GBP1: variants seen among roughly 807,000 people sequenced by gnomAD.
GBP1 encodes the protein guanylate binding protein 1, also known as guanylate-binding protein 1.
GBP1 carries 64 observed loss-of-function variants against 69.5 expected under a neutral mutation model. The observed-to-expected ratio is 0.92, with a 90% CI of 0.75 to 1.13. The LOEUF is 1.13. GBP1 is among the 50% of genes most tolerant of loss of function. The pLI, the probability that GBP1 is intolerant of heterozygous loss-of-function variation, is 0.00. For synonymous variants in GBP1, 250 were observed against 261.2 expected (o/e 0.96, Z 0.41); for missense variants, 630 against 704.1 (o/e 0.89, Z 1.19).
rs1200088111 is a variant in GBP1 at position 89,060,442 on chromosome 1, A to C, written c.191-118T>G. 3 of 827,030 alleles carry C rather than the reference A, an allele frequency of 3.6e-6. No homozygotes were observed. The African/African-American group carries it at 5.3e-5, about 15-fold the overall frequency. The allele number at this position is 827,030 out of a possible 1,614,324, so 51.2% of individuals were successfully genotyped here. A position where few individuals can be genotyped will look rare whatever the true frequency, so the allele number is the denominator to read the frequency against. On this transcript the variant is annotated intron_variant, in intron 2 of 10. Transcript: ENST00000370473. Reference sequence around the variant, plus strand: ...AGAACTGAAACAACAATCAGTATTCACCTTACGTACTTACAATCAAAGAAA... The same window carrying C: ...AGAACTGAAACAACAATCAGTATTCCCCTTACGTACTTACAATCAAAGAAA...
In GBP1 at chr1:89,059,051, GCTAA is replaced by G. The variant is rs758452723; in HGVS notation, c.429-12_429-9del. 2 of 1,613,912 alleles carry G rather than the reference GCTAA, an allele frequency of 1.2e-6. No individual in the cohort carries two copies. The highest frequency in any genetic ancestry group is 2.2e-5 in the East Asian group (1 of 44,898). ...GTCAGCTCTGTCACATAGCTGAGTA[GCTAA>G]CTAAGGAAATGTGACAAAATGAACA... On this transcript the variant is annotated splice_polypyrimidine_tract_variant and intron_variant, in intron 4 of 10. Transcript: ENST00000370473.
intron 10 of GBP1, among the ~76,000 whole-genome samples, chr1:89,054,282 A>G (rs1679987481): frequency 6.6e-6 from 1 of 152,142 alleles, no homozygotes; most frequent in Non-Finnish European, 1.5e-5. Flanking sequence ...TTGTATTTTT[A>G]GTAGTGACGG....
chr1:89,060,124 A>T, intron 3 of GBP1, 73 bp downstream of exon 3: 1 of 1,418,906 alleles, frequency 7.0e-7, no homozygotes, highest in Non-Finnish European at 9.5e-7. Context: ...TTAATAGTTA[A>T]TAAACAATTA....
chr1:89,055,424 T>C (rs765479234), intron 8 of GBP1: 252 of 610,316 alleles, frequency 4.1e-4, no homozygotes, highest in Non-Finnish European at 3.9e-4. Flanking sequence ...AGTAGGCTAA[T>C]ATAGATACTG....
In GBP1 at chr1:89,052,366, C is replaced by G. The variant is rs184373781; in HGVS notation, c.*989G>C. 161 of 152,306 alleles carry G rather than the reference C, an allele frequency of 1.1e-3. No homozygotes were observed. The highest frequency in any genetic ancestry group is 3.8e-3 in the African/African-American group (160 of 41,568). 9.4% of individuals were successfully genotyped at this position (152,306 alleles called of 1,614,324 possible). A position where few individuals can be genotyped will look rare whatever the true frequency, so the allele number is the denominator to read the frequency against. On this transcript the variant is annotated 3_prime_UTR_variant, in exon 11 of 11. Transcript: ENST00000370473. Reference sequence around the variant, plus strand: ...TAATTGCTATAAGAAACATCAACCACTTTCCTAGGACTTTTCACACATAAG... The same window carrying G: ...TAATTGCTATAAGAAACATCAACCAGTTTCCTAGGACTTTTCACACATAAG...
chr1:89,054,754 C>G lies in GBP1; in HGVS notation c.1593G>C (p.Leu531=). The G allele has an allele frequency of 6.2e-7, 1 of 1,614,230 alleles. No homozygotes were observed. The highest frequency in any genetic ancestry group is 1.1e-5 in the South Asian group (1 of 91,080). The change falls in exon 10 of 11, where the codon CTG becomes CTC. Residue 531 remains leucine, a synonymous_variant. Coordinates refer to ENST00000370473, the MANE Select transcript of GBP1 (RefSeq NM_002053.3). Reference sequence around the variant, plus strand: ...CCCTGTCGTTCTCCATCTTCTCAGTCAGTTGTTTCAAGTGTTCCTGATAAC... The same window carrying G: ...CCCTGTCGTTCTCCATCTTCTCAGTGAGTTGTTTCAAGTGTTCCTGATAAC... ...ERSYQEHLKQ[L]TEKMENDRVQ...
Position 89,058,858 on chromosome 1 carries a change from G to C in GBP1, c.614C>G (p.Ser205Cys). The C allele has an allele frequency of 1.9e-6, 3 of 1,614,120 alleles. No homozygotes were observed. Among genetic ancestry groups the C allele is most frequent in the Non-Finnish European group, 2.5e-6 (3 of 1,179,994 alleles). Residue 205 changes from serine (S) to cysteine (C), a missense_variant, in exon 5 of 11, where the codon TCC becomes TGC. Ser to Cys is a moderately radical substitution (Grantham distance 112, BLOSUM62 -1). Around this residue, in one of 5 missense-constraint regions of GBP1, gnomAD observed 367 missense variants for 369.5 expected, o/e 0.99. Transcript: ENST00000370473. Reference sequence around the variant, plus strand: ...TCTGTTACCTTTCTTCAGCTTCAGGGAGTATGTCAGGTACTCATCTGGTGT... The same window carrying C: ...TCTGTTACCTTTCTTCAGCTTCAGGCAGTATGTCAGGTACTCATCTGGTGT... ...PLTPDEYLTY[S>C]LKLKKGTSQK...
In GBP1 at chr1:89,053,628, G is replaced by A. The variant is rs138846855; in HGVS notation, c.1666-160C>T. On this transcript the variant is annotated intron_variant, in intron 10 of 10. Transcript: ENST00000370473. ...CTATCATTGACCAAAGCACAGCCAT[G>A]TTCCTTACCCTATTATGTATATGAC... Among the ~76,000 whole-genome samples the A allele has an allele frequency of 1.7e-4, 26 of 152,286 alleles. No homozygotes were observed. The East Asian group carries it at 5.0e-3, about 29-fold the overall frequency.
Position 89,053,388 on chromosome 1 carries a change from T to A in GBP1, c.1746A>T (p.Lys582Asn), listed in dbSNP as rs181237841. ...MKNEIQDLQT[K>N]MRRRKACTIS is the part of the protein sequence containing the mutation. ...TGGTACATGCCTTTCGTCGTCTCAT[T>A]TTCGTCTGGAGATCCTGTATCTCAT... The change falls in exon 11 of 11, where the codon AAA becomes AAT. Residue 582 changes from lysine (K) to asparagine (N), a missense_variant. Lys to Asn is a moderately conservative substitution (Grantham distance 94). Around this residue, in one of 5 missense-constraint regions of GBP1, gnomAD observed 71 missense variants for 72.7 expected, o/e 0.98. Coordinates refer to ENST00000370473, the MANE Select transcript of GBP1 (RefSeq NM_002053.3). The A allele has an allele frequency of 6.8e-6, 11 of 1,613,768 alleles. No homozygotes were observed. The East Asian group carries it at 2.5e-4, about 36-fold the overall frequency.
intron 6 of GBP1, among the ~76,000 whole-genome samples, chr1:89,057,504 A>G (rs1188634565): frequency 1.3e-5 from 2 of 152,246 alleles, no homozygotes; most frequent in African/African-American, 4.8e-5. Flanking sequence ...TTTGATCAAT[A>G]TGTATGAAAC....
At chr1:89,063,787 C>A (rs1680262341) in intron 1 of GBP1, among the ~76,000 whole-genome samples, 1 of 152,206 alleles carries the variant, frequency 6.6e-6, no homozygotes, top group Non-Finnish European at 1.5e-5. Flanking sequence ...AAGCTTCTCA[C>A]ATTGCCATTC....
intron 6 of GBP1, 39 bp downstream of exon 6, chr1:89,057,953 T>C (rs1323918291): frequency 6.3e-7 from 1 of 1,582,910 alleles, no homozygotes; most frequent in Admixed American, 1.7e-5. Flanking sequence ...GCTCCTCTAG[T>C]CTTAAACAAT....
At chr1:89,064,263 G>T (rs1680280248) in intron 1 of GBP1, among the ~76,000 whole-genome samples, 1 of 151,014 alleles carries the variant, frequency 6.6e-6, no homozygotes, top group Non-Finnish European at 1.5e-5. Flanking sequence ...GAGAGAGAGA[G>T]AGAGAGAGAG....
At chr1:89,063,277 A>G (rs562559445) in intron 1 of GBP1, 24 bp from the exon 2 acceptor site, 3 of 1,587,696 alleles carry the variant, frequency 1.9e-6, no homozygotes, top group African/African-American at 1.3e-5. Context: ...GGTGAAATAC[A>G]TGAGAATTTC....
rs1295690570 is a variant in GBP1, at chr1:89,062,857, T to C, written c.190+188A>G. ...TGCTTTTGAAATGGAAACTAAGGTA[T>C]CATGGGAATAATTAATGAATTGATT... is the stretch of plus-strand genomic sequence containing the variant. On this transcript the variant is annotated intron_variant, in intron 2 of 10. Coordinates refer to ENST00000370473, the MANE Select transcript of GBP1 (RefSeq NM_002053.3). 3.5e-5 allele frequency: 23 copies of C among 657,044 alleles called. No individual in the cohort carries two copies. The East Asian group carries it at 6.4e-4, about 18-fold the overall frequency. The allele number at this position is 657,044 out of a possible 1,614,324, so 40.7% of individuals were successfully genotyped here. A position where few individuals can be genotyped will look rare whatever the true frequency, so the allele number is the denominator to read the frequency against.
chr1:89,055,383 G>T, intron 8 of GBP1, 168 bp from the exon 9 acceptor site: 1 of 1,127,682 alleles, frequency 8.9e-7, no homozygotes. Flanking sequence ...CTGGCAAGCC[G>T]ATCAGAACAT....
At chr1:89,057,670 G>C (rs6701997) in intron 6 of GBP1, among the ~76,000 whole-genome samples, 116,916 of 152,156 alleles carry the variant, frequency 0.77, 45,188 homozygotes, top group African/African-American at 0.81. Context: ...TGAAATACAG[G>C]CATGTGAATT....
intron 10 of GBP1, among the ~76,000 whole-genome samples, 175 bp downstream of exon 10, chr1:89,054,507 T>C (rs1557747374): frequency 6.6e-6 from 1 of 152,210 alleles, no homozygotes; most frequent in Non-Finnish European, 1.5e-5. Flanking sequence ...AAACTTTCAG[T>C]GACCAGACTT....
chr1:89,055,943 A>G, intron 8 of GBP1, 73 bp downstream of exon 8: 1 of 1,564,644 alleles, frequency 6.4e-7, no homozygotes, highest in Non-Finnish European at 8.8e-7. Flanking sequence ...GTATGCAGTG[A>G]AGCTTGGTCA....
Sources: allele counts gnomAD v4.1 joint callset (sites outside exome capture counted in the v4.1 genomes callset), GRCh38; gene constraint gnomAD v4.1.1; regional missense constraint gnomAD v4.1.1; transcripts MANE v1.5; gene names NCBI Gene and HGNC (gene_info 2026-07-23, HGNC 2026-07-21).